COLGALT1: variants seen among roughly 807,000 people sequenced by gnomAD.
COLGALT1 encodes the protein collagen beta(1-O)galactosyltransferase 1, also known as procollagen galactosyltransferase 1.
In COLGALT1, 43 loss-of-function variants were observed where a neutral mutation model predicts 60.8. The observed-to-expected ratio is 0.71, with a 90% CI of 0.55 to 0.91. The LOEUF is 0.91. Among genes scored for constraint, COLGALT1 ranks in the 40% least tolerant of loss-of-function variants. COLGALT1 has a pLI of 0.00. For synonymous variants in COLGALT1, 369 were observed against 374.2 expected (o/e 0.99, Z 0.16); for missense variants, 845 against 880.0 (o/e 0.96, Z 0.50).
At chr19:17,564,748 A>G (rs1334839795) in intron 3 of COLGALT1, among the ~76,000 whole-genome samples, 1 of 152,054 alleles carries the variant, frequency 6.6e-6, no homozygotes, top group Non-Finnish European at 1.5e-5. Context: ...TCTCCTGGAG[A>G]GATTCACTTT....
intron 1 of COLGALT1, 73 bp downstream of exon 1, chr19:17,556,046 C>T: frequency 8.0e-7 from 1 of 1,256,460 alleles, no homozygotes; most frequent in Non-Finnish European, 1.0e-6. Context: ...GGGGTGGGTC[C>T]ACGCGAGCCC....
At chr19:17,557,709 C>G (rs2076221500) in intron 1 of COLGALT1, among the ~76,000 whole-genome samples, 2 of 152,244 alleles carry the variant, frequency 1.3e-5, no homozygotes, top group African/African-American at 4.8e-5. Flanking sequence ...TCAAGTGATT[C>G]TCCTGCCTCA....
At chr19:17,565,698 T>C (rs1306978466) in intron 3 of COLGALT1, among the ~76,000 whole-genome samples, 3 of 152,122 alleles carry the variant, frequency 2.0e-5, no homozygotes, top group African/African-American at 7.2e-5. Context: ...AAAGAAGCTG[T>C]TTGAGTCCTT....
At chr19:17,572,816 T>C (rs1173703649) in intron 6 of COLGALT1, among the ~76,000 whole-genome samples, 1 of 151,900 alleles carries the variant, frequency 6.6e-6, no homozygotes, top group Non-Finnish European at 1.5e-5. Flanking sequence ...ATGCTTGGGG[T>C]TGTCGGGTGG....
At chr19:17,577,825 C>A (rs2144845306) in intron 8 of COLGALT1, 132 bp from the exon 9 acceptor site, 1 of 1,244,332 alleles carries the variant, frequency 8.0e-7, no homozygotes, top group Non-Finnish European at 1.1e-6. Flanking sequence ...GCCCCATGTG[C>A]CCGGAAGGGG....
chr19:17,559,894 C>T (rs1678928061), intron 2 of COLGALT1, among the ~76,000 whole-genome samples: 1 of 152,090 alleles, frequency 6.6e-6, no homozygotes, highest in Admixed American at 6.5e-5. Context: ...CTCAAGCCAT[C>T]CTCCCGCCTC....
chr19:17,556,903 A>T lies in COLGALT1; in HGVS notation c.260+930A>T, dbSNP rs567068390. On this transcript the variant is annotated intron_variant, in intron 1 of 11. Transcript: ENST00000252599. Reference sequence around the variant, plus strand: ...ACTCCAGCCTGGGCTACAGAGTAAGACCTGCCTCTAAAAAAAGAAAAAGAA... The same window carrying T: ...ACTCCAGCCTGGGCTACAGAGTAAGTCCTGCCTCTAAAAAAAGAAAAAGAA... Among the ~76,000 whole-genome samples the T allele has an allele frequency of 3.0e-4, 45 of 152,216 alleles. 1 individual carries two copies. The highest frequency in any genetic ancestry group is 2.3e-3 in the East Asian group (12 of 5,184).
intron 3 of COLGALT1, among the ~76,000 whole-genome samples, chr19:17,560,666 T>G (rs750373445): frequency 6.6e-5 from 10 of 152,142 alleles, no homozygotes; most frequent in Non-Finnish European, 1.2e-4. Flanking sequence ...TCCTCAGCAC[T>G]AGGAATGAAT....
chr19:17,575,496 C>T (rs1302536075), intron 6 of COLGALT1, among the ~76,000 whole-genome samples: 2 of 152,138 alleles, frequency 1.3e-5, no homozygotes, highest in African/African-American at 2.4e-5. Flanking sequence ...CCACCTGCCT[C>T]GGCCTCCCAA....
At chr19:17,562,278 G>A (rs1309461454) in intron 3 of COLGALT1, among the ~76,000 whole-genome samples, 2 of 152,226 alleles carry the variant, frequency 1.3e-5, no homozygotes, top group Non-Finnish European at 2.9e-5. Flanking sequence ...ACACAGGCCA[G>A]TGGAGGCACT....
At chr19:17,559,115 G>T (rs562835288) in intron 1 of COLGALT1, among the ~76,000 whole-genome samples, 196 bp from the exon 2 acceptor site, 1 of 152,026 alleles carries the variant, frequency 6.6e-6, no homozygotes, top group Admixed American at 6.6e-5. Flanking sequence ...AGCCGAGATC[G>T]CGCCACTGCA....
chr19:17,578,998 GA>G (rs2076361813), intron 9 of COLGALT1, among the ~76,000 whole-genome samples: 8 of 151,132 alleles, frequency 5.3e-5, no homozygotes, highest in Admixed American at 5.3e-4. Context: ...CGACAAGAGT[GA>G]CACTCCATCT....
chr19:17,562,320 T>C (rs1159071645), intron 3 of COLGALT1, among the ~76,000 whole-genome samples: 1 of 151,876 alleles, frequency 6.6e-6, no homozygotes, highest in Non-Finnish European at 1.5e-5. Flanking sequence ...TGGGGAGCCA[T>C]GGAGGGTGTG....
chr19:17,564,735 G>T (rs1299055077), intron 3 of COLGALT1, among the ~76,000 whole-genome samples: 1 of 152,060 alleles, frequency 6.6e-6, no homozygotes, highest in African/African-American at 2.4e-5. Context: ...AATTTTAATT[G>T]TATCTCCTGG....
chr19:17,573,392 G>A (rs2076323791), intron 6 of COLGALT1, among the ~76,000 whole-genome samples: 1 of 152,164 alleles, frequency 6.6e-6, no homozygotes, highest in Non-Finnish European at 1.5e-5. Context: ...AGCTGGGTGT[G>A]GTAGCGAATG....
chr19:17,568,727 G>A lies in COLGALT1; in HGVS notation c.829+14G>A. 6.2e-7 allele frequency: 1 copy of A among 1,613,754 alleles called. No homozygotes were observed. Among genetic ancestry groups the A allele is most frequent in the Non-Finnish European group, 8.5e-7 (1 of 1,179,686 alleles). On this transcript the variant is annotated intron_variant, in intron 5 of 11. Transcript: ENST00000252599. ...GCAAGCAGGCAGGTACGTACATGAG[G>A]GGTCTGCCATCGCAGGGGCATCTGC...
At chr19:17,567,327 C>A in intron 3 of COLGALT1, 79 bp from the exon 4 acceptor site, 1 of 1,575,080 alleles carries the variant, frequency 6.3e-7, no homozygotes, top group Non-Finnish European at 8.7e-7. Flanking sequence ...ACCCCCAGGG[C>A]ACTGGCCTTT....
intron 9 of COLGALT1, 122 bp from the exon 10 acceptor site, chr19:17,579,360 G>T: frequency 7.6e-7 from 1 of 1,315,886 alleles, no homozygotes; most frequent in Non-Finnish European, 1.1e-6. Context: ...GGAGCTAGGA[G>T]AGGCAGGGAG....
At position 17,568,565 on chromosome 19, in the gene COLGALT1, C is replaced by T. The variant is rs754795690; in HGVS notation, c.681C>T (p.Gly227=). 3.9e-5 allele frequency: 63 copies of T among 1,614,118 alleles called. No homozygotes were observed. The highest frequency in any genetic ancestry group is 5.0e-5 in the Non-Finnish European group (59 of 1,180,046). The change falls in exon 5 of 12, where the codon GGC becomes GGT. Residue 227 remains glycine, a synonymous_variant. Transcript: ENST00000252599. ...CTATCCGCAAGCGAGACCGCCGGGGCTGCTTTGCAGTTCCCATGGTGCACT... is the reference window on the plus strand; with the variant it reads ...CTATCCGCAAGCGAGACCGCCGGGGTTGCTTTGCAGTTCCCATGGTGCACT... ...YIPIRKRDRR[G]CFAVPMVHST...
Sources: gnomAD v4.1 joint callset for allele counts (sites outside exome capture counted in the v4.1 genomes callset) on GRCh38, gnomAD v4.1.1 for gene constraint, MANE v1.5 for transcripts, NCBI Gene and HGNC (gene_info 2026-07-23, HGNC 2026-07-21) for gene names.